Variants in JMJD1C observed in about 807,000 individuals in gnomAD.
JMJD1C encodes jumonji domain containing 1C, also known as jumonji domain-containing protein 1C.
A neutral mutation model predicts 245.3 loss-of-function variants in JMJD1C; 31 were observed. The observed-to-expected ratio is 0.13, with a 90% CI of 0.09 to 0.17. The LOEUF is 0.17. Ranked by LOEUF, JMJD1C falls within the 10% of genes least tolerant of loss-of-function variation. The pLI is 1.00. For synonymous variants in JMJD1C, 1,057 were observed against 1,017.4 expected (o/e 1.04, Z -0.74); for missense variants, 2,691 against 3,000.2 (o/e 0.90, Z 2.41).
At chr10:63,254,318 T>C (rs1853544178) in intron 3 of JMJD1C, among the ~76,000 whole-genome samples, 3 of 152,114 alleles carry the variant, frequency 2.0e-5, no homozygotes, top group African/African-American at 7.2e-5. Context: ...AATGCACAGA[T>C]TTGGAGTGTA....
chr10:63,380,910 A>T (rs960268358), intron 1 of JMJD1C, among the ~76,000 whole-genome samples: 15 of 152,224 alleles, frequency 9.9e-5, no homozygotes, highest in Non-Finnish European at 2.1e-4. Context: ...TGGTAATCCC[A>T]CTGCTGGGTA....
chr10:63,376,732 T>A (rs1434799223), intron 2 of JMJD1C, among the ~76,000 whole-genome samples: 1 of 152,118 alleles, frequency 6.6e-6, no homozygotes, highest in Non-Finnish European at 1.5e-5. Flanking sequence ...TGACATGCCA[T>A]TTCACACCTA....
chr10:63,184,822 A>G lies in JMJD1C; in HGVS notation c.6831-84T>C, dbSNP rs576616322. The G allele has an allele frequency of 3.1e-6, 4 of 1,293,764 alleles. No homozygotes were observed. The African/African-American group carries it at 6.0e-5, about 19-fold the overall frequency. The allele number at this position is 1,293,764 out of a possible 1,614,324, so 80.1% of individuals were successfully genotyped here. ...ACATATATAATTTTCAAGTTGTTCA[A>G]AACAGCAGACTACCTTTCCATAAGA... On this transcript the variant is annotated intron_variant, in intron 20 of 25. Transcript: ENST00000399262.
intron 2 of JMJD1C, among the ~76,000 whole-genome samples, chr10:63,279,119 G>A (rs1857130744): frequency 1.3e-5 from 2 of 149,344 alleles, no homozygotes; most frequent in Admixed American, 6.7e-5. Flanking sequence ...GTGTGTTGGC[G>A]GGCGCCTGTA....
intron 1 of JMJD1C, among the ~76,000 whole-genome samples, chr10:63,416,773 T>G (rs1365048743): frequency 2.0e-5 from 3 of 152,214 alleles, no homozygotes; most frequent in Non-Finnish European, 4.4e-5. Context: ...TTAAAAATGC[T>G]TACAAAATTC....
upstream of JMJD1C, chr10:63,466,513 TCTC>T (rs1451599533): frequency 6.6e-6 from 1 of 152,250 alleles, no homozygotes; most frequent in African/African-American, 2.4e-5. Flanking sequence ...CTTTCATTCT[TCTC>T]ATTTGTGGTG....
chr10:63,220,605 C>T (rs1454242810), intron 3 of JMJD1C, among the ~76,000 whole-genome samples: 4 of 152,128 alleles, frequency 2.6e-5, no homozygotes, highest in African/African-American at 9.7e-5. Flanking sequence ...GACATAGAAA[C>T]AACCAATTCT....
At chr10:63,211,684 T>A (rs944817645) in intron 8 of JMJD1C, among the ~76,000 whole-genome samples, 1 of 151,666 alleles carries the variant, frequency 6.6e-6, no homozygotes, top group Non-Finnish European at 1.5e-5. Context: ...CACCCCCAAC[T>A]GTGATCTCAC....
At position 63,377,345 on chromosome 10, in the gene JMJD1C, T is replaced by C. The variant is rs192855659; in HGVS notation, c.333+2973A>G. ...CAATAGTGGTAACACACAACACGAATGTACTTACTACCAATGACCCGTGTA... is the reference window on the plus strand; with the variant it reads ...CAATAGTGGTAACACACAACACGAACGTACTTACTACCAATGACCCGTGTA... On this transcript the variant is annotated intron_variant, in intron 2 of 25. Transcript: ENST00000399262. Among the ~76,000 whole-genome samples the C allele has an allele frequency of 2.2e-3, 339 of 152,358 alleles. 3 individuals carry two copies. The highest frequency in any genetic ancestry group is 7.7e-3 in the African/African-American group (321 of 41,586).
chr10:63,380,606 T>C (rs374858410), intron 1 of JMJD1C, 124 bp from the exon 2 acceptor site: 3 of 674,474 alleles, frequency 4.4e-6, no homozygotes, highest in African/African-American at 1.8e-5. Context: ...ATGCACACAA[T>C]GTGTAATGAT....
chr10:63,372,485 T>C (rs1009167329), intron 2 of JMJD1C, among the ~76,000 whole-genome samples: 1 of 152,204 alleles, frequency 6.6e-6, no homozygotes, highest in Admixed American at 6.5e-5. Flanking sequence ...TTTAGTATTT[T>C]TTATTATATA....
rs1280802471 is a variant in JMJD1C, at chr10:63,215,167, A to G, written c.1016-16T>C. 2 of 1,519,174 alleles carry G rather than the reference A, an allele frequency of 1.3e-6. No individual in the cohort carries two copies. Among genetic ancestry groups the G allele is most frequent in the African/African-American group, 2.8e-5 (2 of 71,418 alleles). The allele number at this position is 1,519,174 out of a possible 1,614,324, so 94.1% of individuals were successfully genotyped here. A position where few individuals can be genotyped will look rare whatever the true frequency, so the allele number is the denominator to read the frequency against. The stretch of plus-strand genomic sequence containing the variant: ...TTAGGATTTTCTGTAGGATTAAAGA[A>G]AGAAGAGTCTTATTTTTCATACTAA... On this transcript the variant is annotated splice_polypyrimidine_tract_variant and intron_variant, in intron 7 of 25. Transcript: ENST00000399262.
At position 63,266,849 on chromosome 10, in the gene JMJD1C, GTCATTTTATAA is replaced by G. The variant is rs545563623; in HGVS notation, c.334-2096_334-2086del. Among the ~76,000 whole-genome samples, 89 of 152,232 alleles carry G rather than the reference GTCATTTTATAA, an allele frequency of 5.8e-4. No individual in the cohort carries two copies. In the East Asian group the frequency reaches 0.012, roughly 20 times the overall value. ...TGGCTTGCATTTCCTATGAGACCTAGTCATTTTATAATATGAAAAACATTCTTCTGAAGAGA... is the reference window on the plus strand; with the variant it reads ...TGGCTTGCATTTCCTATGAGACCTAGTATGAAAAACATTCTTCTGAAGAGA... On this transcript the variant is annotated intron_variant, in intron 2 of 25. Transcript: ENST00000399262.
At chr10:63,432,791 T>C (rs1481062149) in intron 1 of JMJD1C, among the ~76,000 whole-genome samples, 1 of 152,140 alleles carries the variant, frequency 6.6e-6, no homozygotes, top group Non-Finnish European at 1.5e-5. Context: ...GCATACAACA[T>C]TGTTGATGTT....
intron 2 of JMJD1C, among the ~76,000 whole-genome samples, chr10:63,274,903 A>G (rs1190886169): frequency 1.3e-5 from 2 of 152,136 alleles, no homozygotes; most frequent in African/African-American, 2.4e-5. Context: ...CAAATCAAGC[A>G]GCAATCATAC....
chr10:63,300,504 T>C (rs1859957324), intron 2 of JMJD1C, among the ~76,000 whole-genome samples: 1 of 152,198 alleles, frequency 6.6e-6, no homozygotes, highest in African/African-American at 2.4e-5. Flanking sequence ...ATCTCCACTA[T>C]ATGAACAAAA....
At chr10:63,176,043 T>C (rs1382850532) in intron 24 of JMJD1C, among the ~76,000 whole-genome samples, 1 of 152,152 alleles carries the variant, frequency 6.6e-6, no homozygotes, top group Non-Finnish European at 1.5e-5. Context: ...GGCTTAAAAA[T>C]CAGATTTCGA....
intron 2 of JMJD1C, among the ~76,000 whole-genome samples, chr10:63,378,819 G>T (rs1171079599): frequency 4.6e-5 from 7 of 151,986 alleles, no homozygotes; most frequent in African/African-American, 1.7e-4. Context: ...GTCTATAAAA[G>T]TTTAAAATGG....
chr10:63,488,691 A>T (rs1244423233), intron 1 of JMJD1C, among the ~76,000 whole-genome samples: 1 of 152,226 alleles, frequency 6.6e-6, no homozygotes, highest in Non-Finnish European at 1.5e-5. Flanking sequence ...ATATACGAGT[A>T]AGCTGAGATT....
Sources: allele counts gnomAD v4.1 joint callset (sites outside exome capture counted in the v4.1 genomes callset), GRCh38; gene constraint gnomAD v4.1.1; transcripts MANE v1.5; gene names NCBI Gene and HGNC (gene_info 2026-07-23, HGNC 2026-07-21).